The following RGS6 variants were observed in gnomAD, a reference collection of about 807,000 sequenced individuals.
The protein encoded by RGS6 is regulator of G-protein signaling 6.
Under a neutral mutation model 78.5 loss-of-function variants are expected in RGS6, and 30 were observed. The observed-to-expected ratio is 0.38, with a 90% confidence interval of 0.29 to 0.52. The LOEUF (loss-of-function observed/expected upper bound fraction) is 0.52, where lower values mean the gene tolerates loss of function less well. Among genes scored for constraint, RGS6 ranks in the 20% least tolerant of loss-of-function variants. The probability of loss-of-function intolerance (pLI) is 0.85; values close to 1 mark genes in which losing one functional copy is unlikely to be tolerated. For synonymous variants in RGS6, 206 were observed against 206.0 expected (o/e 1.00, Z 0.00); for missense variants, 495 against 609.7 (o/e 0.81, Z 1.98).
intron 15 of RGS6, among the ~76,000 whole-genome samples, chr14:72,526,296 G>A (rs1406819277): frequency 5.9e-5 from 9 of 151,584 alleles, no homozygotes; most frequent in African/African-American, 1.5e-4. Context: ...TAGTAGAGTC[G>A]GGGTTTCACC....
chr14:72,407,134 C>T (rs2093001112), intron 3 of RGS6, among the ~76,000 whole-genome samples: 1 of 152,166 alleles, frequency 6.6e-6, no homozygotes, highest in Non-Finnish European at 1.5e-5. Context: ...GGTTCTAATA[C>T]CAAGACCCTA....
At chr14:72,307,966 G>T (rs2067644947) in intron 2 of RGS6, among the ~76,000 whole-genome samples, 1 of 152,070 alleles carries the variant, frequency 6.6e-6, no homozygotes, top group African/African-American at 2.4e-5. Flanking sequence ...TTAAATAGTA[G>T]TCTTTCCTTC....
chr14:72,057,669 C>A (rs2093686747), intron 2 of RGS6, among the ~76,000 whole-genome samples: 1 of 152,152 alleles, frequency 6.6e-6, no homozygotes, highest in African/African-American at 2.4e-5. Flanking sequence ...ATTAAACTAG[C>A]AGACTTGATT....
At chr14:71,887,014 T>C in the RGS6 span, among the ~76,000 whole-genome samples, 1 of 152,018 alleles carries the variant, frequency 6.6e-6, no homozygotes, top group East Asian at 1.9e-4. Context: ...GTCAGGCATG[T>C]TGGTGGGCAC....
intron 2 of RGS6, among the ~76,000 whole-genome samples, chr14:72,143,920 C>A (rs879672646): frequency 6.6e-6 from 1 of 151,942 alleles, no homozygotes; most frequent in Non-Finnish European, 1.5e-5. Context: ...AAGTTAACAT[C>A]AAATTAGTAA....
Position 72,566,216 on chromosome 14 carries a change from T to G in RGS6, c.*3749T>G, listed in dbSNP as rs2097709667. ...GGCCATAAAGTAGCAAAGTAGCAAA[T>G]GTAGCAATAAAGGGCCCGGGTCTAT... On this transcript the variant is annotated 3_prime_UTR_variant, in exon 18 of 18. Transcript: ENST00000553525. The G allele has an allele frequency of 6.6e-6, 1 of 152,064 alleles. No individual in the cohort carries two copies. Among genetic ancestry groups the G allele is most frequent in the South Asian group, 2.1e-4 (1 of 4,816 alleles). 9.4% of individuals were successfully genotyped at this position (152,064 alleles called of 1,614,324 possible).
At chr14:72,471,962 T>G (rs543117657) in intron 8 of RGS6, among the ~76,000 whole-genome samples, 1 of 152,342 alleles carries the variant, frequency 6.6e-6, no homozygotes, top group Admixed American at 6.5e-5. Flanking sequence ...ATTTCTCGAT[T>G]AACTTTTTTG....
the RGS6 span, among the ~76,000 whole-genome samples, chr14:71,872,859 T>G: frequency 2.8e-4 from 43 of 152,352 alleles, no homozygotes; most frequent in African/African-American, 1.0e-3. Context: ...TTCTCACTGT[T>G]CAATTCCCAC....
At chr14:72,355,289 G>A (rs2080031145) in intron 3 of RGS6, among the ~76,000 whole-genome samples, 1 of 151,662 alleles carries the variant, frequency 6.6e-6, no homozygotes, top group Non-Finnish European at 1.5e-5. Context: ...CACCTCCTGG[G>A]TTCAAGCGAT....
intron 2 of RGS6, among the ~76,000 whole-genome samples, chr14:72,329,690 T>C (rs959646438): frequency 5.3e-5 from 8 of 152,202 alleles, no homozygotes; most frequent in African/African-American, 1.9e-4. Context: ...GCTAAACCCA[T>C]AGTGTGGAAG....
the RGS6 span, among the ~76,000 whole-genome samples, chr14:72,572,594 G>A: frequency 2.0e-4 from 31 of 152,174 alleles, no homozygotes; most frequent in African/African-American, 7.0e-4. Context: ...GTCCAGAATA[G>A]GCAAATTGAT....
chr14:72,500,788 G>A (rs2153426046), intron 13 of RGS6, among the ~76,000 whole-genome samples: 1 of 152,316 alleles, frequency 6.6e-6, no homozygotes, highest in African/African-American at 2.4e-5. Flanking sequence ...TAAGGGCAGG[G>A]GAAAGCAGGG....
intron 3 of RGS6, among the ~76,000 whole-genome samples, chr14:72,414,977 C>G (rs886643095): frequency 3.3e-5 from 5 of 152,186 alleles, no homozygotes; most frequent in South Asian, 2.1e-4. Flanking sequence ...GGGGGTGCCT[C>G]CCAGTTAGGC....
rs750709888 is a variant in RGS6, at chr14:72,137,460, A to G, written c.84+172585A>G. On this transcript the variant is annotated intron_variant, in intron 2 of 17. Transcript: ENST00000553525. ...TCACAGGTAAAGGGCTCAGCCCCAC[A>G]AGACTGCCCTTCACTTAAAATGCCA... Among the ~76,000 whole-genome samples, 40 of 152,214 alleles carry G rather than the reference A, an allele frequency of 2.6e-4. 1 individual carries two copies. Among genetic ancestry groups the G allele is most frequent in the Admixed American group, 6.5e-5 (1 of 15,282 alleles).
chr14:72,318,898 G>A (rs989572048), intron 2 of RGS6, among the ~76,000 whole-genome samples: 13 of 152,274 alleles, frequency 8.5e-5, no homozygotes, highest in Non-Finnish European at 1.3e-4. Flanking sequence ...CCTGTTGGCC[G>A]AGAAGAAGCA....
At chr14:71,875,760 C>A in the RGS6 span, among the ~76,000 whole-genome samples, 2 of 152,200 alleles carry the variant, frequency 1.3e-5, no homozygotes, top group South Asian at 2.1e-4. Context: ...TAGATCTTTC[C>A]TGCTTTCTCT....
chr14:72,041,704 G>T (rs546806778), intron 2 of RGS6, among the ~76,000 whole-genome samples: 5 of 152,160 alleles, frequency 3.3e-5, no homozygotes, highest in Non-Finnish European at 5.9e-5. Flanking sequence ...TCTTCACTTT[G>T]TATTTGCCTA....
intron 2 of RGS6, among the ~76,000 whole-genome samples, chr14:72,027,167 C>G (rs2090022791): frequency 6.6e-6 from 1 of 151,828 alleles, no homozygotes; most frequent in African/African-American, 2.4e-5. Context: ...TGCTTCAAGT[C>G]CAACGGGGAG....
At chr14:71,924,044 A>G in the RGS6 span, among the ~76,000 whole-genome samples, 15 of 152,192 alleles carry the variant, frequency 9.9e-5, no homozygotes, top group Non-Finnish European at 2.1e-4. Context: ...TTATTCATTC[A>G]TCCATTCATT....
Sources: gnomAD v4.1 joint callset for allele counts (sites outside exome capture counted in the v4.1 genomes callset) on GRCh38, gnomAD v4.1.1 for gene constraint, MANE v1.5 for transcripts, NCBI Gene and HGNC (gene_info 2026-07-23, HGNC 2026-07-21) for gene names.